The following LRRC4C variants were observed in gnomAD, a reference collection of about 807,000 sequenced individuals.
LRRC4C encodes the protein leucine rich repeat containing 4C, also known as leucine-rich repeat-containing protein 4C.
In LRRC4C, 5 loss-of-function variants were observed where a neutral mutation model predicts 33.6. The observed-to-expected ratio is 0.15, with a 90% CI of 0.08 to 0.31. LRRC4C has a LOEUF of 0.31. Ranked by LOEUF, LRRC4C falls within the 10% of genes least tolerant of loss-of-function variation. The pLI is 1.00. For synonymous variants in LRRC4C, 329 were observed against 302.0 expected (o/e 1.09, Z -0.93); for missense variants, 560 against 796.7 (o/e 0.70, Z 3.58).
intron 1 of LRRC4C, among the ~76,000 whole-genome samples, chr11:41,190,576 C>T (rs1483252828): frequency 6.6e-6 from 1 of 152,116 alleles, no homozygotes; most frequent in Non-Finnish European, 1.5e-5. Context: ...GAGAACTGTG[C>T]ACATAGATTA....
At chr11:40,929,522 T>C (rs7480419) in intron 2 of LRRC4C, among the ~76,000 whole-genome samples, 1 of 152,220 alleles carries the variant, frequency 6.6e-6, no homozygotes, top group Non-Finnish European at 1.5e-5. Context: ...GGTGAATTCA[T>C]TATAACTTCA....
chr11:41,423,222 C>T (rs2056247592), intron 1 of LRRC4C, among the ~76,000 whole-genome samples: 1 of 151,846 alleles, frequency 6.6e-6, no homozygotes, highest in South Asian at 2.1e-4. Context: ...TATTTGGAGA[C>T]CCATGGGTAA....
chr11:41,096,591 AT>A (rs1267716710), intron 1 of LRRC4C, among the ~76,000 whole-genome samples: 5 of 152,182 alleles, frequency 3.3e-5, no homozygotes, highest in African/African-American at 4.8e-5. Context: ...TAGTAAACAT[AT>A]TTTTAAGAAT....
intron 2 of LRRC4C, among the ~76,000 whole-genome samples, chr11:40,827,725 TGTGCATGTATGG>T (rs1028886867): frequency 2.0e-5 from 3 of 151,822 alleles, no homozygotes; most frequent in African/African-American, 7.2e-5. Context: ...TGTTTGCGTG[TGTGCATGTATGG>T]GTGCATGTGT....
chr11:40,841,919 T>C (rs1180060704), intron 2 of LRRC4C, among the ~76,000 whole-genome samples: 1 of 152,224 alleles, frequency 6.6e-6, no homozygotes, highest in Non-Finnish European at 1.5e-5. Context: ...CATTTCTTGC[T>C]TGAGCAGGGT....
chr11:40,656,834 C>G (rs948606671), intron 2 of LRRC4C, among the ~76,000 whole-genome samples: 1 of 152,200 alleles, frequency 6.6e-6, no homozygotes, highest in African/African-American at 2.4e-5. Context: ...ATTTGTCAAA[C>G]TTCTTCCAGT....
chr11:41,193,298 T>C (rs1946041192), intron 1 of LRRC4C, among the ~76,000 whole-genome samples: 1 of 152,128 alleles, frequency 6.6e-6, no homozygotes, highest in Admixed American at 6.6e-5. Flanking sequence ...ATCAGAGTCA[T>C]CTACTTGCTC....
chr11:40,662,665 G>C (rs1367071369), intron 2 of LRRC4C, among the ~76,000 whole-genome samples: 1 of 152,220 alleles, frequency 6.6e-6, no homozygotes, highest in East Asian at 1.9e-4. Context: ...TCTAAGTGCA[G>C]TAGTGGTATT....
chr11:41,215,201 A>C (rs1308849583), intron 1 of LRRC4C, among the ~76,000 whole-genome samples: 2 of 151,736 alleles, frequency 1.3e-5, no homozygotes, highest in Non-Finnish European at 2.9e-5. Flanking sequence ...ATTTTTTAAA[A>C]AACTGGCCAG....
chr11:41,397,191 C>A (rs549423535), intron 1 of LRRC4C, among the ~76,000 whole-genome samples: 1 of 152,082 alleles, frequency 6.6e-6, no homozygotes, highest in South Asian at 2.1e-4. Flanking sequence ...ACAGTTTGAA[C>A]TGTGCAGGTC....
chr11:40,807,519 A>T (rs1951307533), intron 2 of LRRC4C, among the ~76,000 whole-genome samples: 1 of 152,212 alleles, frequency 6.6e-6, no homozygotes, highest in South Asian at 2.1e-4. Context: ...ACTAAGTTGT[A>T]TATTGTCAAA....
chr11:41,372,423 G>A (rs1345878817), intron 1 of LRRC4C, among the ~76,000 whole-genome samples: 6 of 152,124 alleles, frequency 3.9e-5, no homozygotes, highest in African/African-American at 1.4e-4. Flanking sequence ...GACAGGTTTC[G>A]TAGCATACTC....
intron 3 of LRRC4C, among the ~76,000 whole-genome samples, chr11:40,634,389 G>T (rs188410159): frequency 6.6e-6 from 1 of 152,104 alleles, no homozygotes; most frequent in Admixed American, 6.6e-5. Context: ...CAGATGAAAG[G>T]AAGTTGGTTT....
intron 1 of LRRC4C, among the ~76,000 whole-genome samples, chr11:41,433,403 G>T (rs541202273): frequency 6.6e-6 from 1 of 152,096 alleles, no homozygotes; most frequent in East Asian, 1.9e-4. Context: ...ATTCCAAATT[G>T]GGCTTCTATA....
intron 2 of LRRC4C, among the ~76,000 whole-genome samples, chr11:40,816,835 C>T (rs1951724025): frequency 6.6e-6 from 1 of 152,048 alleles, no homozygotes; most frequent in African/African-American, 2.4e-5. Context: ...TTTTAATCCT[C>T]AATCTTTTGC....
At chr11:40,629,170 A>G (rs1294326654) in intron 3 of LRRC4C, among the ~76,000 whole-genome samples, 1 of 152,206 alleles carries the variant, frequency 6.6e-6, no homozygotes, top group Non-Finnish European at 1.5e-5. Flanking sequence ...GTATAAAATC[A>G]GTTTTTATTT....
intron 2 of LRRC4C, among the ~76,000 whole-genome samples, chr11:40,766,692 T>C (rs945085610): frequency 1.5e-5 from 2 of 130,762 alleles, no homozygotes; most frequent in Non-Finnish European, 1.7e-5. Context: ...TTACAATTAG[T>C]GTTGAGTGGT....
chr11:41,164,532 C>T (rs1944633356), intron 1 of LRRC4C, among the ~76,000 whole-genome samples: 1 of 152,118 alleles, frequency 6.6e-6, no homozygotes. Flanking sequence ...TTTTCAAGTA[C>T]TATATACTGT....
At chr11:41,304,187 C>T (rs1271338420) in intron 1 of LRRC4C, among the ~76,000 whole-genome samples, 2 of 111,466 alleles carry the variant, frequency 1.8e-5, no homozygotes, top group Admixed American at 9.2e-5. Flanking sequence ...GGTCAGCCCC[C>T]CGCCTGGCCA....
Sources: allele counts gnomAD v4.1 joint callset (sites outside exome capture counted in the v4.1 genomes callset), GRCh38; gene constraint gnomAD v4.1.1; transcripts MANE v1.5; gene names NCBI Gene and HGNC (gene_info 2026-07-23, HGNC 2026-07-21).